Variants in GCNT2 observed in about 807,000 individuals in gnomAD.
GCNT2 encodes the protein N-acetyllactosaminide beta-1,6-N-acetylglucosaminyl-transferase.
Under a neutral mutation model 34.2 loss-of-function variants are expected in GCNT2, and 34 were observed. The observed-to-expected ratio is 1.00, with a 90% CI of 0.76 to 1.32. The LOEUF is 1.32. Ranked by LOEUF, GCNT2 falls within the 40% of genes most tolerant of loss-of-function variation. GCNT2 has a pLI of 0.00. For missense variants in GCNT2, 584 were observed against 489.4 expected, an observed-to-expected ratio of 1.19 and a Z score of -1.82; for synonymous variants, 212 against 188.0, an observed-to-expected ratio of 1.13 and a Z score of -1.04.
intron 3 of GCNT2, among the ~76,000 whole-genome samples, chr6:10,579,841 A>C (rs113479833): frequency 0.021 from 3,165 of 148,840 alleles, 137 homozygotes; most frequent in African/African-American, 0.073. Flanking sequence ...AAAAAAAAAA[A>C]AAAAAAACAA....
At chr6:10,587,345 C>T (rs1764401913) in intron 3 of GCNT2, among the ~76,000 whole-genome samples, 2 of 152,164 alleles carry the variant, frequency 1.3e-5, no homozygotes. Context: ...GGAGCTGTTA[C>T]AGGGGTACTT....
intron 3 of GCNT2, among the ~76,000 whole-genome samples, chr6:10,588,295 A>G (rs1764445078): frequency 6.6e-6 from 1 of 152,224 alleles, no homozygotes; most frequent in African/African-American, 2.4e-5. Context: ...ACAATCACCT[A>G]TTTTAAACGC....
intron 3 of GCNT2, among the ~76,000 whole-genome samples, chr6:10,530,448 A>C (rs1270193130): frequency 6.6e-6 from 1 of 152,196 alleles, no homozygotes; most frequent in Non-Finnish European, 1.5e-5. Context: ...TTATAAATAA[A>C]ATTTGAATGA....
chr6:10,583,381 T>C (rs1054822421), intron 3 of GCNT2, among the ~76,000 whole-genome samples: 2 of 152,186 alleles, frequency 1.3e-5, no homozygotes, highest in African/African-American at 2.4e-5. Flanking sequence ...GCAGGTACGA[T>C]TGCTAGGTGA....
At position 10,555,146 on chromosome 6, in the gene GCNT2, A is replaced by G. The variant is rs147869752; in HGVS notation, c.925+25310A>G. Among the ~76,000 whole-genome samples the G allele has an allele frequency of 3.7e-3, 567 of 152,278 alleles. 5 individuals are homozygous for G. The highest frequency in any genetic ancestry group is 0.013 in the South Asian group (61 of 4,820). ...TGGGGTAGTGAACGTGTTGGGGTTG[A>G]GGCACGGAGTTGTTTAGGTCAGGTG... On this transcript the variant is annotated intron_variant, in intron 3 of 4. Transcript: ENST00000495262.
rs1369837078 is a variant in GCNT2 at position 10,582,324 on chromosome 6, TATA to T, written c.926-39023_926-39021del. Among the ~76,000 whole-genome samples, 66 of 110,158 alleles carry T rather than the reference TATA, an allele frequency of 6.0e-4. No individual in the cohort carries two copies. The South Asian group carries it at 7.1e-3, about 12-fold the overall frequency. The allele number at this position is 110,158 out of a possible 152,430, so 72.3% of individuals were successfully genotyped here. ...ATATTTAATATATAGTAATATTAAA[TATA>T]ATATATACTATATAATATATAGTAA... is the stretch of plus-strand genomic sequence containing the variant. On this transcript the variant is annotated intron_variant, in intron 3 of 4. Transcript: ENST00000495262.
chr6:10,586,985 C>T (rs953595513), intron 3 of GCNT2: 3 of 1,056,240 alleles, frequency 2.8e-6, no homozygotes, highest in Admixed American at 1.8e-5. Context: ...AGAACTGACT[C>T]ATTTGAAATT....
intron 3 of GCNT2, among the ~76,000 whole-genome samples, chr6:10,594,067 C>T (rs1317280107): frequency 1.3e-5 from 2 of 152,206 alleles, no homozygotes; most frequent in African/African-American, 2.4e-5. Flanking sequence ...ACAGGGGTTC[C>T]TAGACTTGGC....
chr6:10,529,283 C>T lies in GCNT2; in HGVS notation c.372C>T (p.Tyr124=). Residue 124 remains tyrosine, a synonymous_variant, in exon 3 of 5, where the codon TAC becomes TAT. Transcript: ENST00000495262. The part of the protein sequence containing the change: ...FRAIYMPQNV[Y]CVHLDQKATD... Reference sequence around the variant, plus strand: ...CGATTTATATGCCCCAAAATGTCTACTGTGTGCACCTGGATCAGAAGGCGA... The same window carrying T: ...CGATTTATATGCCCCAAAATGTCTATTGTGTGCACCTGGATCAGAAGGCGA... 6.2e-7 allele frequency: 1 copy of T among 1,614,160 alleles called. No homozygotes were observed. The highest frequency in any genetic ancestry group is 1.1e-5 in the South Asian group (1 of 91,084).
chr6:10,564,453 G>A (rs191829691), intron 3 of GCNT2, among the ~76,000 whole-genome samples: 82 of 152,274 alleles, frequency 5.4e-4, no homozygotes, highest in African/African-American at 1.8e-3. Flanking sequence ...GCTCTTCCTG[G>A]AGTGTAGAAG....
chr6:10,564,901 C>T (rs990832583), intron 3 of GCNT2, among the ~76,000 whole-genome samples: 39 of 152,078 alleles, frequency 2.6e-4, no homozygotes, highest in African/African-American at 9.2e-4. Flanking sequence ...AAGGAAGAGA[C>T]AGCCAATAAA....
At chr6:10,540,099 A>G (rs1244129548) in intron 3 of GCNT2, among the ~76,000 whole-genome samples, 3 of 151,888 alleles carry the variant, frequency 2.0e-5, no homozygotes, top group Non-Finnish European at 4.4e-5. Flanking sequence ...AAGGAAAGGA[A>G]GGAAGGAAAA....
chr6:10,527,884 A>C (rs1049760637), intron 2 of GCNT2, among the ~76,000 whole-genome samples: 3 of 152,110 alleles, frequency 2.0e-5, no homozygotes, highest in African/African-American at 7.2e-5. Flanking sequence ...TTAAAAAAAA[A>C]GCCTCCTTTA....
chr6:10,585,970 T>C (rs1476387117), intron 3 of GCNT2: 9 of 1,613,190 alleles, frequency 5.6e-6, no homozygotes, highest in Admixed American at 1.7e-5. Context: ...AGAGATTGTT[T>C]CCCCAGGGAA....
At chr6:10,555,674 C>T (rs950551119) in intron 3 of GCNT2, 1 of 933,762 alleles carries the variant, frequency 1.1e-6, no homozygotes, top group Non-Finnish European at 1.3e-6. Flanking sequence ...GCCCAAGGCG[C>T]CCCAGCAATT....
chr6:10,555,819 C>A, intron 3 of GCNT2: 2 of 985,380 alleles, frequency 2.0e-6, no homozygotes, highest in Non-Finnish European at 2.4e-6. Flanking sequence ...ACTTGTGTCA[C>A]GTTTCCTGAA....
intron 3 of GCNT2, among the ~76,000 whole-genome samples, chr6:10,538,220 C>A (rs1483370872): frequency 1.3e-5 from 2 of 151,168 alleles, no homozygotes; most frequent in Non-Finnish European, 1.5e-5. Flanking sequence ...CCAGCCTGGC[C>A]AACGTGATGA....
intron 3 of GCNT2, among the ~76,000 whole-genome samples, chr6:10,578,560 C>G (rs1422218252): frequency 1.3e-5 from 2 of 149,876 alleles, no homozygotes; most frequent in African/African-American, 4.9e-5. Flanking sequence ...CATTCTCCTG[C>G]CTCAGCCTCC....
chr6:10,596,943 A>G (rs755662194), intron 3 of GCNT2, among the ~76,000 whole-genome samples: 1 of 152,124 alleles, frequency 6.6e-6, no homozygotes, highest in Non-Finnish European at 1.5e-5. Context: ...GTTACTTTGC[A>G]TGAGGTCTTT....
Sources: gnomAD v4.1 joint callset for allele counts (sites outside exome capture counted in the v4.1 genomes callset) on GRCh38, gnomAD v4.1.1 for gene constraint, MANE v1.5 for transcripts, NCBI Gene and HGNC (gene_info 2026-07-23, HGNC 2026-07-21) for gene names.